The following PPIL4 variants were observed in gnomAD, a reference collection of about 807,000 sequenced individuals.
The protein encoded by PPIL4 is peptidyl-prolyl cis-trans isomerase-like 4.
Under a neutral mutation model 69.1 loss-of-function variants are expected in PPIL4, and 50 were observed. The ratio of observed to expected loss-of-function variants is 0.72; its 90% CI spans 0.58 to 0.92. The LOEUF (loss-of-function observed/expected upper bound fraction) is 0.92. PPIL4 is among the 40% of genes least tolerant of loss of function. The probability of loss-of-function intolerance (pLI) is 0.00; values close to 1 mark genes in which losing one functional copy is unlikely to be tolerated. For missense variants in PPIL4, 480 were observed against 587.9 expected (o/e 0.82, Z 1.90); for synonymous variants, 193 against 191.6 (o/e 1.01, Z -0.06).
chr6:149,510,119 T>C (rs982449558), intron 12 of PPIL4, among the ~76,000 whole-genome samples: 1 of 152,132 alleles, frequency 6.6e-6, no homozygotes, highest in Non-Finnish European at 1.5e-5. Flanking sequence ...CCAACAAAAG[T>C]ATGGCCTGAA....
intron 10 of PPIL4, 119 bp from the exon 11 acceptor site, chr6:149,517,569 AAAGGGAACAAAAG>A: frequency 1.9e-6 from 1 of 528,012 alleles, no homozygotes; most frequent in South Asian, 3.1e-5. Context: ...AGAGACAGAG[AAAGGGAACAAAAG>A]AATCATAGTA....
chr6:149,522,653 G>A (rs539582675), intron 9 of PPIL4, among the ~76,000 whole-genome samples: 149 of 152,016 alleles, frequency 9.8e-4, no homozygotes, highest in African/African-American at 3.5e-3. Flanking sequence ...TTGCTCTGTC[G>A]CCAGGTTGGA....
chr6:149,536,249 A>G (rs950891610), intron 4 of PPIL4, among the ~76,000 whole-genome samples: 1 of 152,212 alleles, frequency 6.6e-6, no homozygotes, highest in African/African-American at 2.4e-5. Context: ...AGTGCTCCCT[A>G]TTCCCCGAGA....
intron 9 of PPIL4, among the ~76,000 whole-genome samples, chr6:149,524,229 GC>G (rs1358383814): frequency 6.6e-6 from 1 of 152,172 alleles, no homozygotes; most frequent in African/African-American, 2.4e-5. Context: ...AGTCACATTA[GC>G]ATTATGTGTC....
rs187768886 is a variant in PPIL4, at chr6:149,516,491, C to A, written c.1079+863G>T. Among the ~76,000 whole-genome samples, 863 of 152,198 alleles carry A rather than the reference C, an allele frequency of 5.7e-3. 11 individuals carry two copies. The highest frequency in any genetic ancestry group is 5.4e-3 in the Non-Finnish European group (367 of 68,006). On this transcript the variant is annotated intron_variant, in intron 11 of 12. Transcript: ENST00000253329. ...TCTACATATGTAGAAAAAAAAATCC[C>A]TGAAATACCAATAGAAACTAGGAAA...
At chr6:149,543,979 G>A (rs1777402635) in intron 1 of PPIL4, among the ~76,000 whole-genome samples, 1 of 152,190 alleles carries the variant, frequency 6.6e-6, no homozygotes, top group Non-Finnish European at 1.5e-5. Context: ...TGATAAGTGA[G>A]TATAAATATA....
chr6:149,520,504 A>G (rs1777012529), intron 10 of PPIL4, among the ~76,000 whole-genome samples: 1 of 152,212 alleles, frequency 6.6e-6, no homozygotes, highest in Admixed American at 6.5e-5. Context: ...TTAGTAATTT[A>G]TAATATAGTC....
chr6:149,522,891 G>A (rs1373312734), intron 9 of PPIL4, among the ~76,000 whole-genome samples: 4 of 152,144 alleles, frequency 2.6e-5, no homozygotes, highest in Non-Finnish European at 5.9e-5. Context: ...GATTACAGGC[G>A]TGAGCCACCA....
intron 4 of PPIL4, among the ~76,000 whole-genome samples, chr6:149,538,482 A>G (rs1034680393): frequency 7.2e-5 from 11 of 152,178 alleles, no homozygotes; most frequent in Non-Finnish European, 1.0e-4. Flanking sequence ...TTAAAAAAAA[A>G]TACATTTTGT....
At position 149,521,181 on chromosome 6, in the gene PPIL4, A is replaced by G. The variant is rs749252709; in HGVS notation, c.871-10T>C. 7.0e-7 allele frequency: 1 copy of G among 1,432,364 alleles called. No individual in the cohort carries two copies. The highest frequency in any genetic ancestry group is 1.4e-5 in the African/African-American group (1 of 70,524). 88.7% of individuals were successfully genotyped at this position (1,432,364 alleles called of 1,614,324 possible). A position where few individuals can be genotyped will look rare whatever the true frequency, so the allele number is the denominator to read the frequency against. Reference sequence around the variant, plus strand: ...TCTCACAATCTTCTTCCTGATAATAATTATAAAAACTCAAGCATAAATCTT... The same window carrying G: ...TCTCACAATCTTCTTCCTGATAATAGTTATAAAAACTCAAGCATAAATCTT... On this transcript the variant is annotated splice_polypyrimidine_tract_variant and intron_variant, in intron 9 of 12. Coordinates refer to ENST00000253329, the MANE Select transcript of PPIL4 (RefSeq NM_139126.4).
chr6:149,537,023 G>C (rs1447450543), intron 4 of PPIL4, among the ~76,000 whole-genome samples: 3 of 152,034 alleles, frequency 2.0e-5, no homozygotes, highest in African/African-American at 7.2e-5. Context: ...CTACTCAGGA[G>C]GCTGAGGCAG....
At chr6:149,507,711 C>A (rs1445689522) in intron 12 of PPIL4, among the ~76,000 whole-genome samples, 5 of 152,148 alleles carry the variant, frequency 3.3e-5, no homozygotes, top group African/African-American at 1.2e-4. Flanking sequence ...TTTGAGGAAG[C>A]TGAATATTTG....
chr6:149,522,843 C>T (rs1209911126), intron 9 of PPIL4, among the ~76,000 whole-genome samples: 5 of 152,078 alleles, frequency 3.3e-5, no homozygotes, highest in Non-Finnish European at 7.4e-5. Context: ...GATCTCTTGA[C>T]CTCGTGATCC....
chr6:149,511,925 G>A (rs952048362), intron 12 of PPIL4, among the ~76,000 whole-genome samples: 8 of 152,246 alleles, frequency 5.3e-5, no homozygotes, highest in African/African-American at 1.7e-4. Flanking sequence ...GCTTCACAAT[G>A]TGGAAGTATT....
At chr6:149,523,581 C>T (rs747150218) in intron 9 of PPIL4, among the ~76,000 whole-genome samples, 1 of 151,876 alleles carries the variant, frequency 6.6e-6, no homozygotes, top group Non-Finnish European at 1.5e-5. Flanking sequence ...ATCCCAGCTA[C>T]TTGGGATGCT....
intron 1 of PPIL4, among the ~76,000 whole-genome samples, chr6:149,541,808 G>A (rs1777367797): frequency 2.0e-5 from 3 of 152,116 alleles, no homozygotes; most frequent in African/African-American, 4.8e-5. Flanking sequence ...TCAGGAGTTT[G>A]AGACCAGCCT....
At chr6:149,528,320 T>C (rs1044466334) in intron 7 of PPIL4, among the ~76,000 whole-genome samples, 2 of 152,064 alleles carry the variant, frequency 1.3e-5, no homozygotes, top group African/African-American at 2.4e-5. Flanking sequence ...AAAGCACCTA[T>C]AATGGCAGAA....
In PPIL4 at chr6:149,517,396, G is replaced by A. The variant is rs1361005354; in HGVS notation, c.1037C>T (p.Pro346Leu). ...FKEYEKEQDK[P>L]PNLVLKDKVK... The stretch of plus-strand genomic sequence containing the variant: ...TTTATCTTTCAGAACCAAATTAGGT[G>A]GTTTATCCTGTTCTTTTTCATACTC... Residue 346 changes from proline (P) to leucine (L), a missense_variant, in exon 11 of 13, where the codon CCA (proline) becomes CTA (leucine). By Grantham distance (98) the Pro-to-Leu change is moderately conservative. Coordinates refer to ENST00000253329, the MANE Select transcript of PPIL4 (RefSeq NM_139126.4). The A allele has an allele frequency of 6.2e-7, 1 of 1,606,528 alleles. No individual in the cohort carries two copies. Among genetic ancestry groups the A allele is most frequent in the African/African-American group, 1.3e-5 (1 of 74,596 alleles).
chr6:149,536,715 A>G (rs951589724), intron 4 of PPIL4, among the ~76,000 whole-genome samples: 1 of 149,694 alleles, frequency 6.7e-6, no homozygotes, highest in African/African-American at 2.5e-5. Context: ...GAAAGAGGCC[A>G]GGCGCAGTGA....
Sources: allele counts gnomAD v4.1 joint callset (sites outside exome capture counted in the v4.1 genomes callset), GRCh38; gene constraint gnomAD v4.1.1; transcripts MANE v1.5; gene names NCBI Gene and HGNC (gene_info 2026-07-23, HGNC 2026-07-21).